FARP2: variants seen among roughly 807,000 people sequenced by gnomAD.
FARP2 encodes the protein FERM, ARHGEF and pleckstrin domain-containing protein 2.
A neutral mutation model predicts 130.5 loss-of-function variants in FARP2; 111 were observed. That is an observed-to-expected ratio of 0.85 (90% CI 0.73 to 1.00). The LOEUF is 1.00. Among genes scored for constraint, FARP2 ranks in the 50% least tolerant of loss-of-function variants. FARP2 has a pLI of 0.00. For missense variants in FARP2, 1,385 were observed against 1,346.3 expected, an observed-to-expected ratio of 1.03 and a Z score of -0.45; for synonymous variants, 504 against 516.9, an observed-to-expected ratio of 0.98 and a Z score of 0.34.
At position 241,403,931 on chromosome 2, in the gene FARP2, G is replaced by C; in HGVS notation, c.287G>C (p.Trp96Ser). 6.3e-7 allele frequency: 1 copy of C among 1,592,576 alleles called. No homozygotes were observed. The highest frequency in any genetic ancestry group is 1.1e-5 in the South Asian group (1 of 90,642). Residue 96 changes from tryptophan to serine, a missense_variant and splice_region_variant, in exon 3 of 27, where the codon TGG (tryptophan) becomes TCG (serine). Physicochemically the swap from Trp to Ser is radical, Grantham distance 177. Coordinates refer to ENST00000264042, the MANE Select transcript of FARP2 (RefSeq NM_014808.4). ...GMEFQNTQSY[W>S]IWLEPMKPII... is the part of the protein sequence containing the mutation. Reference sequence around the variant, plus strand: ...GAGTTTCAAAATACTCAGTCCTACTGGGTAAGTGCTTATGACGTGCCCAGG... The same window carrying C: ...GAGTTTCAAAATACTCAGTCCTACTCGGTAAGTGCTTATGACGTGCCCAGG...
At chr2:241,434,120 C>T in intron 9 of FARP2, 38 bp from the exon 10 acceptor site, 1 of 1,491,696 alleles carries the variant, frequency 6.7e-7, no homozygotes, top group South Asian at 1.2e-5. Flanking sequence ...TCCAATACTT[C>T]ATTCTTGAAT....
chr2:241,454,382 C>T (rs1339317553), intron 13 of FARP2, among the ~76,000 whole-genome samples: 1 of 152,154 alleles, frequency 6.6e-6, no homozygotes, highest in Non-Finnish European at 1.5e-5. Context: ...GAGTGGGAGA[C>T]ATCTTCCTGC....
intron 21 of FARP2, among the ~76,000 whole-genome samples, chr2:241,486,875 C>T (rs1258868861): frequency 6.6e-6 from 1 of 152,232 alleles, no homozygotes; most frequent in Non-Finnish European, 1.5e-5. Flanking sequence ...GCATCTTTCC[C>T]TCCACCATGG....
At chr2:241,410,083 A>T (rs948541653) in intron 5 of FARP2, among the ~76,000 whole-genome samples, 1 of 152,246 alleles carries the variant, frequency 6.6e-6, no homozygotes, top group African/African-American at 2.4e-5. Flanking sequence ...CTCCCAGAAC[A>T]GTACCTAGAA....
At chr2:241,483,439 A>AAGGG (rs1290709791) in intron 19 of FARP2, 26 bp from the exon 20 acceptor site, 2 of 1,610,220 alleles carry the variant, frequency 1.2e-6, no homozygotes, top group Admixed American at 1.7e-5. Flanking sequence ...AGCCCGCTGA[A>AAGGG]AGGGGACTCT....
In FARP2 at chr2:241,434,957, C is replaced by A. The variant is rs763572363; in HGVS notation, c.1032-5C>A. 7 of 1,526,436 alleles carry A rather than the reference C, an allele frequency of 4.6e-6. No homozygotes were observed. In the African/African-American group the frequency reaches 9.7e-5, roughly 21 times the overall value. 94.6% of individuals were successfully genotyped at this position (1,526,436 alleles called of 1,614,324 possible). A position where few individuals can be genotyped will look rare whatever the true frequency, so the allele number is the denominator to read the frequency against. ...TTTATTAAAAATCTGAATCTTTATT[C>A]ACAGTGGAAGAACTCAGAAACAACT... On this transcript the variant is annotated splice_polypyrimidine_tract_variant and splice_region_variant and intron_variant, in intron 10 of 26. Transcript: ENST00000264042.
chr2:241,436,618 A>G, intron 12 of FARP2, 80 bp downstream of exon 12: 1 of 1,111,322 alleles, frequency 9.0e-7, no homozygotes, highest in Non-Finnish European at 1.4e-6. Flanking sequence ...GTATTGTAAC[A>G]AGAGTCTTAA....
chr2:241,453,617 G>A (rs769737294), intron 13 of FARP2, among the ~76,000 whole-genome samples: 42 of 147,088 alleles, frequency 2.9e-4, no homozygotes, highest in Non-Finnish European at 4.7e-4. Flanking sequence ...GCGAGACTCT[G>A]TCTCAAAAAA....
chr2:241,457,900 G>A (rs1049230496), intron 14 of FARP2, among the ~76,000 whole-genome samples: 16 of 152,286 alleles, frequency 1.1e-4, no homozygotes, highest in Middle Eastern at 3.4e-3. Flanking sequence ...GTTGTGGCAC[G>A]GGGAGGGGGG....
At chr2:241,463,787 C>T in intron 16 of FARP2, 112 bp from the exon 17 acceptor site, 1 of 953,622 alleles carries the variant, frequency 1.0e-6, no homozygotes, top group Non-Finnish European at 1.6e-6. Flanking sequence ...CACCTCAGAG[C>T]TTCACCACCT....
At chr2:241,400,499 G>A (rs748745409) in intron 2 of FARP2, among the ~76,000 whole-genome samples, 3 of 152,358 alleles carry the variant, frequency 2.0e-5, no homozygotes, top group Non-Finnish European at 1.5e-5. Context: ...CTAGAGTCGA[G>A]TACCAACTGG....
At chr2:241,457,713 C>T (rs576652254) in intron 14 of FARP2, among the ~76,000 whole-genome samples, 7 of 137,324 alleles carry the variant, frequency 5.1e-5, no homozygotes, top group African/African-American at 1.7e-4. Flanking sequence ...CACTAAGGAC[C>T]GCTTTGGGTT....
Position 241,492,969 on chromosome 2 carries a change from G to C in FARP2, c.2828G>C (p.Ser943Thr), listed in dbSNP as rs1163322036. ...TATCTGCTAAGAAAGTTCAAAAACA[G>C]TCATGGCTGGCAGAAGCTCTGGGTC... ...SGYLLRKFKN[S>T]HGWQKLWVVF... The change falls in exon 25 of 27, where the codon AGT becomes ACT. Residue 943 changes from serine to threonine, a missense_variant. Coordinates refer to ENST00000264042, the MANE Select transcript of FARP2 (RefSeq NM_014808.4). 6.2e-7 allele frequency: 1 copy of C among 1,613,256 alleles called. No homozygotes were observed. Among genetic ancestry groups the C allele is most frequent in the Non-Finnish European group, 8.5e-7 (1 of 1,179,198 alleles).
intron 17 of FARP2, chr2:241,466,196 A>G: frequency 1.0e-6 from 1 of 985,382 alleles, no homozygotes; most frequent in Non-Finnish European, 1.2e-6. Flanking sequence ...CACGGGGCAT[A>G]AGGTCAGTTT....
chr2:241,470,710 G>C (rs547891894), intron 18 of FARP2, among the ~76,000 whole-genome samples: 4,576 of 151,962 alleles, frequency 0.03, 224 homozygotes, highest in African/African-American at 0.1. Context: ...GCACTCTGAG[G>C]GGATCTTGGA....
chr2:241,443,664 A>T (rs1219952371), intron 13 of FARP2: 2 of 152,310 alleles, frequency 1.3e-5, no homozygotes, highest in Non-Finnish European at 2.9e-5. Flanking sequence ...CAGGGACGTC[A>T]TGGGGAAACC....
At chr2:241,398,210 A>G (rs1322609405) in intron 2 of FARP2, among the ~76,000 whole-genome samples, 4 of 152,138 alleles carry the variant, frequency 2.6e-5, no homozygotes, top group Admixed American at 2.0e-4. Context: ...GCAGCTTGAT[A>G]ATTTTTCATA....
At chr2:241,408,296 C>T (rs577416921) in intron 5 of FARP2, among the ~76,000 whole-genome samples, 134 of 152,080 alleles carry the variant, frequency 8.8e-4, no homozygotes, top group Non-Finnish European at 1.3e-3. Flanking sequence ...GGCATGAACC[C>T]GAGAGGCGGA....
At chr2:241,422,844 G>A (rs2062845473) in intron 8 of FARP2, among the ~76,000 whole-genome samples, 1 of 152,082 alleles carries the variant, frequency 6.6e-6, no homozygotes, top group African/African-American at 2.4e-5. Flanking sequence ...TAGCAGAATA[G>A]GCCAAGCAGA....
Sources: allele counts gnomAD v4.1 joint callset (sites outside exome capture counted in the v4.1 genomes callset), GRCh38; gene constraint gnomAD v4.1.1; transcripts MANE v1.5; gene names NCBI Gene and HGNC (gene_info 2026-07-23, HGNC 2026-07-21).